The following INO80 variants were observed in gnomAD, a reference collection of about 807,000 sequenced individuals.
The protein encoded by INO80 is INO80 complex ATPase subunit, also known as chromatin-remodeling ATPase INO80.
In INO80, 20 loss-of-function variants were observed where a neutral mutation model predicts 203.4. That is an observed-to-expected ratio of 0.10 (90% CI 0.07 to 0.14). INO80 has a LOEUF of 0.14. Ranked by LOEUF, INO80 falls within the 10% of genes least tolerant of loss-of-function variation. INO80 has a pLI of 1.00. For synonymous variants in INO80, 726 were observed against 685.2 expected, an observed-to-expected ratio of 1.06 and a Z score of -0.93; for missense variants, 1,419 against 1,914.4, an observed-to-expected ratio of 0.74 and a Z score of 4.83.
chr15:40,999,348 C>T (rs2043926689), intron 28 of INO80: 1 of 152,210 alleles, frequency 6.6e-6, no homozygotes, highest in Non-Finnish European at 1.5e-5. Flanking sequence ...GCTATGAATA[C>T]TGCTGAAGTG....
chr15:41,089,839 T>C (rs1233537331), intron 5 of INO80, among the ~76,000 whole-genome samples: 1 of 151,524 alleles, frequency 6.6e-6, no homozygotes, highest in Non-Finnish European at 1.5e-5. Context: ...TGTTAGTGTA[T>C]GAAGAGCTTT....
intron 7 of INO80, among the ~76,000 whole-genome samples, chr15:41,085,001 T>G (rs2045538838): frequency 6.6e-6 from 1 of 152,238 alleles, no homozygotes; most frequent in African/African-American, 2.4e-5. Context: ...CCTCCCAAAG[T>G]GCTGGGATTA....
At chr15:41,075,277 T>C (rs1456441617) in intron 9 of INO80, among the ~76,000 whole-genome samples, 6 of 146,808 alleles carry the variant, frequency 4.1e-5, no homozygotes, top group Non-Finnish European at 9.1e-5. Flanking sequence ...AAACTTTTCT[T>C]TTTTTTTTTT....
In INO80 at chr15:41,047,262, G is replaced by T. The variant is rs144812731; in HGVS notation, c.2735+146C>A. On this transcript the variant is annotated intron_variant, in intron 23 of 35. Transcript: ENST00000648947. ...TTACAGGCATGAGTCACCGTGCCCA[G>T]CCTACAAACTTTATTCTTAACAAAA... 2,173 of 650,656 alleles carry T rather than the reference G, an allele frequency of 3.3e-3. 17 individuals carry two copies. Among genetic ancestry groups the T allele is most frequent in the South Asian group, 0.012 (685 of 58,314 alleles). The allele number at this position is 650,656 out of a possible 1,614,324, so 40.3% of individuals were successfully genotyped here.
intron 10 of INO80, among the ~76,000 whole-genome samples, chr15:41,074,092 G>C (rs544744): frequency 0.55 from 83,107 of 151,922 alleles, 24,439 homozygotes; most frequent in African/African-American, 0.77. Context: ...CTACTGAACT[G>C]TGATTACAAT....
intron 5 of INO80, among the ~76,000 whole-genome samples, chr15:41,089,119 G>A (rs558274230): frequency 6.6e-6 from 1 of 152,306 alleles, no homozygotes; most frequent in South Asian, 2.1e-4. Flanking sequence ...GAACCCAGGA[G>A]GCAGAGGTTG....
intron 25 of INO80, 25 bp from the exon 26 acceptor site, chr15:41,021,150 T>C (rs2044288146): frequency 6.5e-7 from 1 of 1,540,100 alleles, no homozygotes; most frequent in Admixed American, 1.7e-5. Context: ...TCACATGAGA[T>C]GGCTCTTTCA....
intron 3 of INO80, 23 bp downstream of exon 3, chr15:41,095,735 AG>A (rs1021218786): frequency 6.2e-7 from 1 of 1,613,186 alleles, no homozygotes; most frequent in Non-Finnish European, 8.5e-7. Context: ...GATAGTCCAA[AG>A]GGGGATGTCA....
chr15:41,105,615 C>T (rs1006882582), intron 1 of INO80, among the ~76,000 whole-genome samples: 8 of 152,110 alleles, frequency 5.3e-5, no homozygotes, highest in Non-Finnish European at 1.0e-4. Flanking sequence ...GAGGCTCCTA[C>T]GACATAAAAC....
chr15:41,095,065 G>T (rs1352256041), intron 4 of INO80, among the ~76,000 whole-genome samples: 1 of 151,602 alleles, frequency 6.6e-6, no homozygotes, highest in Non-Finnish European at 1.5e-5. Flanking sequence ...GAGGCTGGGT[G>T]CGGTGGCTCA....
At chr15:41,056,380 C>G (rs993393190) in intron 17 of INO80, among the ~76,000 whole-genome samples, 3 of 152,206 alleles carry the variant, frequency 2.0e-5, no homozygotes, top group Non-Finnish European at 4.4e-5. Flanking sequence ...TTTACATTTT[C>G]TAATGTGGTC....
At chr15:41,021,213 A>C (rs1596265462) in intron 25 of INO80, 88 bp from the exon 26 acceptor site, 1 of 842,378 alleles carries the variant, frequency 1.2e-6, no homozygotes, top group Non-Finnish European at 2.0e-6. Context: ...AAATCAGACT[A>C]ATGTGGATAG....
chr15:41,036,169 A>C (rs866164375), intron 24 of INO80, among the ~76,000 whole-genome samples: 1 of 148,070 alleles, frequency 6.8e-6, no homozygotes, highest in African/African-American at 2.5e-5. Context: ...AAAAAAAAAA[A>C]AAAAAAAAAA....
intron 29 of INO80, among the ~76,000 whole-genome samples, chr15:40,995,577 A>G (rs902054811): frequency 2.0e-5 from 3 of 152,338 alleles, no homozygotes; most frequent in African/African-American, 7.2e-5. Flanking sequence ...AATAAAGGGC[A>G]GAGAGAAACT....
intron 30 of INO80, among the ~76,000 whole-genome samples, 183 bp downstream of exon 30, chr15:40,987,633 A>G (rs183026489): frequency 4.0e-4 from 61 of 152,352 alleles, no homozygotes; most frequent in Non-Finnish European, 7.1e-4. Context: ...GGAATGAGGC[A>G]TGGCCAGGGA....
intron 24 of INO80, among the ~76,000 whole-genome samples, chr15:41,028,296 T>C (rs2044407681): frequency 6.6e-6 from 1 of 152,112 alleles, no homozygotes; most frequent in Non-Finnish European, 1.5e-5. Flanking sequence ...CCACCACACC[T>C]GGCAAATTGT....
intron 24 of INO80, among the ~76,000 whole-genome samples, chr15:41,033,939 G>A (rs2044530927): frequency 2.0e-5 from 3 of 151,940 alleles, no homozygotes; most frequent in Admixed American, 1.3e-4. Flanking sequence ...GCAGGCGCCT[G>A]TAGTCCCAGC....
intron 25 of INO80, among the ~76,000 whole-genome samples, chr15:41,027,362 A>G (rs993711311): frequency 3.3e-5 from 5 of 152,348 alleles, no homozygotes; most frequent in Admixed American, 3.3e-4. Flanking sequence ...CTGACTAAAT[A>G]AAAAGAAGCT....
At chr15:41,100,705 AT>A (rs2045794433) in intron 1 of INO80, among the ~76,000 whole-genome samples, 1 of 152,024 alleles carries the variant, frequency 6.6e-6, no homozygotes, top group African/African-American at 2.4e-5. Flanking sequence ...TAAGTGTTCA[AT>A]TTTTTTCTTT....
Sources: gnomAD v4.1 joint callset for allele counts (sites outside exome capture counted in the v4.1 genomes callset) on GRCh38, gnomAD v4.1.1 for gene constraint, MANE v1.5 for transcripts, NCBI Gene and HGNC (gene_info 2026-07-23, HGNC 2026-07-21) for gene names.